Variants in SLC2A11 observed in about 807,000 individuals in gnomAD.
SLC2A11 encodes the protein solute carrier family 2 member 11.
In SLC2A11, 43 loss-of-function variants were observed where a neutral mutation model predicts 52.1. The ratio of observed to expected loss-of-function variants is 0.82; its 90% confidence interval spans 0.65 to 1.06. SLC2A11 has a LOEUF of 1.06. SLC2A11 is among the 50% of genes least tolerant of loss of function. The pLI is 0.00. For synonymous variants in SLC2A11, 261 were observed against 277.6 expected, an observed-to-expected ratio of 0.94 and a Z score of 0.59; for missense variants, 582 against 654.2, an observed-to-expected ratio of 0.89 and a Z score of 1.20.
Position 23,880,514 on chromosome 22 carries a change from G to T in SLC2A11, c.695-1945G>T, listed in dbSNP as rs565698346. 1.3e-5 allele frequency: 2 copies of T among 152,062 alleles called. 1 individual carries two copies. The allele number at this position is 152,062 out of a possible 1,614,324, so 9.4% of individuals were successfully genotyped here. A position where few individuals can be genotyped will look rare whatever the true frequency, so the allele number is the denominator to read the frequency against. On this transcript the variant is annotated intron_variant, in intron 6 of 11. Coordinates refer to ENST00000316185, the MANE Select transcript of SLC2A11 (RefSeq NM_001024939.4). ...GGTATTTAGGGTATGTCAGGCTACC[G>T]TGAATCAACGCCCTCAAGCCTCCTA...
intron 3 of SLC2A11, chr22:23,870,257 A>G (rs565709311): frequency 3.9e-5 from 21 of 537,046 alleles, no homozygotes; most frequent in African/African-American, 3.7e-4. Context: ...ATAAGCATGA[A>G]AGGAAGAAAT....
chr22:23,862,157 T>C lies in SLC2A11; in HGVS notation c.84T>C (p.Thr28=), dbSNP rs1247821751. The C allele has an allele frequency of 6.2e-7, 1 of 1,614,186 alleles. No individual in the cohort carries two copies. The highest frequency in any genetic ancestry group is 1.7e-5 in the Admixed American group (1 of 60,028). Residue 28 remains threonine, a synonymous_variant, in exon 2 of 12, where the codon ACT becomes ACC. Coordinates refer to ENST00000316185, the MANE Select transcript of SLC2A11 (RefSeq NM_001024939.4). ...LTICAAGIGG[T]FQFGYNLSII... is the part of the protein sequence containing the mutation. ...TCTGCGCTGCCGGCATTGGTGGGAC[T>C]TTTCAGTTTGGCTATAACCTCTCTA...
At chr22:23,861,550 T>C (rs2032067212) in intron 1 of SLC2A11, among the ~76,000 whole-genome samples, 1 of 152,210 alleles carries the variant, frequency 6.6e-6, no homozygotes, top group South Asian at 2.1e-4. Flanking sequence ...CCATTTATGC[T>C]GCCTCTCTAC....
chr22:23,878,798 T>C (rs1286071302), intron 6 of SLC2A11, among the ~76,000 whole-genome samples: 1 of 152,198 alleles, frequency 6.6e-6, no homozygotes, highest in Non-Finnish European at 1.5e-5. Context: ...CATCCAATCA[T>C]GGCATCGGGC....
At chr22:23,874,716 T>G (rs1478256621) in intron 3 of SLC2A11, among the ~76,000 whole-genome samples, 108 of 152,078 alleles carry the variant, frequency 7.1e-4, no homozygotes, top group Non-Finnish European at 2.1e-4. Flanking sequence ...CATCCCAAAG[T>G]GCTGGGATTA....
At chr22:23,862,625 AT>A (rs111619634) in intron 2 of SLC2A11, among the ~76,000 whole-genome samples, 123 of 144,836 alleles carry the variant, frequency 8.5e-4, no homozygotes, top group Admixed American at 9.6e-4. Flanking sequence ...CTGCTCAGAA[AT>A]TTTTTTTTTT....
At chr22:23,879,080 A>G (rs2032718195) in intron 6 of SLC2A11, among the ~76,000 whole-genome samples, 2 of 152,094 alleles carry the variant, frequency 1.3e-5, no homozygotes, top group Admixed American at 1.3e-4. Context: ...TTCTTTGTTC[A>G]AGTTCCAGCT....
In SLC2A11 at chr22:23,877,411, C is replaced by A. The variant is rs17004023; in HGVS notation, c.545+240C>A. 3.8e-3 allele frequency: 3,072 copies of A among 801,630 alleles called. 48 individuals are homozygous for A. Among genetic ancestry groups the A allele is most frequent in the African/African-American group, 0.037 (2,173 of 58,884 alleles). The allele number at this position is 801,630 out of a possible 1,614,324, so 49.7% of individuals were successfully genotyped here. On this transcript the variant is annotated intron_variant, in intron 5 of 11. Coordinates refer to ENST00000316185, the MANE Select transcript of SLC2A11 (RefSeq NM_001024939.4). ...TCAGGGAGCAAAGAACAGGTCTTCA[C>A]AGAGGAGAGGGTGAAGATTTGGGCT... is the stretch of plus-strand genomic sequence containing the variant.
intron 3 of SLC2A11, among the ~76,000 whole-genome samples, chr22:23,874,583 G>A (rs956533811): frequency 1.3e-5 from 2 of 151,982 alleles, no homozygotes; most frequent in Non-Finnish European, 2.9e-5. Flanking sequence ...TCGAGTAGCT[G>A]GGATTACAGG....
rs1457737205 is a variant in SLC2A11, at chr22:23,857,987, G to A, written c.-13G>A. 2.5e-6 allele frequency: 4 copies of A among 1,591,656 alleles called. No individual in the cohort carries two copies. Among genetic ancestry groups the A allele is most frequent in the African/African-American group, 1.3e-5 (1 of 74,248 alleles). ...CTGGGACAGCAAGACCTCCGCTCAG[G>A]CCCCTCTTTCGAATGCTCCACGCCC... On this transcript the variant is annotated 5_prime_UTR_variant, in exon 1 of 12. Transcript: ENST00000316185.
Position 23,884,924 on chromosome 22 carries a change from T to C in SLC2A11, c.*75T>C. The C allele has an allele frequency of 8.0e-7, 1 of 1,252,606 alleles. No individual in the cohort carries two copies. The highest frequency in any genetic ancestry group is 1.1e-6 in the Non-Finnish European group (1 of 877,314). 77.6% of individuals were successfully genotyped at this position (1,252,606 alleles called of 1,614,324 possible). A position where few individuals can be genotyped will look rare whatever the true frequency, so the allele number is the denominator to read the frequency against. On this transcript the variant is annotated 3_prime_UTR_variant, in exon 12 of 12. Transcript: ENST00000316185. The surrounding 1 kb of genome is among the most constrained non-coding windows in gnomAD (Gnocchi z 4.3). The stretch of plus-strand genomic sequence containing the variant: ...TTCCTGCCAGGGCCCTGGTCCTCAC[T>C]CCCTCCTGCATTCCTCATTTAAGGA...
At chr22:23,869,703 A>T in intron 3 of SLC2A11, 1 of 341,534 alleles carries the variant, frequency 2.9e-6, no homozygotes, top group Non-Finnish European at 5.3e-6. Context: ...ATAACAAAAT[A>T]ACTGAGACTG....
chr22:23,875,935 A>G (rs1487254000), intron 4 of SLC2A11, among the ~76,000 whole-genome samples: 1 of 152,174 alleles, frequency 6.6e-6, no homozygotes, highest in East Asian at 1.9e-4. Flanking sequence ...AGGGCTGCAG[A>G]CATCAGAAGG....
chr22:23,857,547 C>T, upstream of SLC2A11: 2 of 1,604,972 alleles, frequency 1.2e-6, no homozygotes, highest in Non-Finnish European at 1.7e-6. Context: ...CTCCCAGCGG[C>T]GGCGACAAAC....
intron 2 of SLC2A11, chr22:23,865,994 A>T (rs1480774958): frequency 2.0e-5 from 3 of 152,074 alleles, no homozygotes; most frequent in Admixed American, 2.0e-4. Context: ...AGTGAGACCC[A>T]GTATCTACAA....
chr22:23,883,035 T>C, intron 8 of SLC2A11, 166 bp downstream of exon 8: 2 of 716,466 alleles, frequency 2.8e-6, no homozygotes. Context: ...CCGAGGTGGG[T>C]GGATCACAAG....
In SLC2A11 at chr22:23,877,163, C is replaced by T. The variant is rs772132279; in HGVS notation, c.537C>T (p.Val179=). The part of the protein sequence containing the change: ...TALGIVMGQV[V]GLRELLGGPQ... The stretch of plus-strand genomic sequence containing the variant: ...TGGGGATCGTGATGGGACAGGTGGT[C>T]GGACTCAGGTAAGCACCCCTCCCCC... The change falls in exon 5 of 12, where the codon GTC becomes GTT. Residue 179 remains valine, a synonymous_variant. Coordinates refer to ENST00000316185, the MANE Select transcript of SLC2A11 (RefSeq NM_001024939.4). 13 of 1,610,112 alleles carry T rather than the reference C, an allele frequency of 8.1e-6. No homozygotes were observed. The Admixed American group carries it at 8.4e-5, about 10-fold the overall frequency.
chr22:23,884,128 C>T lies in SLC2A11; in HGVS notation c.1171+104C>T, dbSNP rs2032921453. On this transcript the variant is annotated intron_variant, in intron 10 of 11. Coordinates refer to ENST00000316185, the MANE Select transcript of SLC2A11 (RefSeq NM_001024939.4). The surrounding 1 kb of genome is among the most constrained non-coding windows in gnomAD (Gnocchi z 4.3). ...TGTGAATGCAATGTCCCCTGCAGGC[C>T]CTCAGAGACCACCTCATGCCGGGGC... The T allele has an allele frequency of 6.6e-7, 1 of 1,514,096 alleles. No homozygotes were observed. The highest frequency in any genetic ancestry group is 1.4e-5 in the African/African-American group (1 of 71,380). 93.8% of individuals were successfully genotyped at this position (1,514,096 alleles called of 1,614,324 possible).
chr22:23,878,722 A>T (rs552740010), intron 6 of SLC2A11, among the ~76,000 whole-genome samples: 1 of 152,284 alleles, frequency 6.6e-6, no homozygotes, highest in African/African-American at 2.4e-5. Context: ...CATGGCCGCA[A>T]TTATTACTTA....
Sources: allele counts gnomAD v4.1 joint callset (sites outside exome capture counted in the v4.1 genomes callset), GRCh38; gene constraint gnomAD v4.1.1; non-coding constraint Gnocchi (gnomAD v3.1); transcripts MANE v1.5; gene names NCBI Gene and HGNC (gene_info 2026-07-23, HGNC 2026-07-21).